OPRK1: variants seen among roughly 807,000 people sequenced by gnomAD.
OPRK1 encodes the protein kappa-type opioid receptor.
Under a neutral mutation model 24.5 loss-of-function variants are expected in OPRK1, and 15 were observed. The ratio of observed to expected loss-of-function variants is 0.61; its 90% CI spans 0.41 to 0.94. The LOEUF (loss-of-function observed/expected upper bound fraction) is 0.94, where lower values mean the gene tolerates loss of function less well. OPRK1 is among the 40% of genes least tolerant of loss of function. OPRK1 has a pLI of 0.00. For missense variants in OPRK1, 479 were observed against 507.3 expected, an observed-to-expected ratio of 0.94 and a Z score of 0.54; for synonymous variants, 205 against 198.0, an observed-to-expected ratio of 1.04 and a Z score of -0.30.
intron 3 of OPRK1, among the ~76,000 whole-genome samples, chr8:53,230,255 G>T (rs7817710): frequency 0.17 from 25,190 of 151,968 alleles, 2,946 homozygotes; most frequent in African/African-American, 0.32. Context: ...TGTAATAAAT[G>T]ACTAAATATT....
chr8:53,226,839 C>A lies in OPRK1; in HGVS notation c.*2458G>T, dbSNP rs1159645777. The A allele has an allele frequency of 6.6e-6, 1 of 152,196 alleles. No individual in the cohort carries two copies. The highest frequency in any genetic ancestry group is 1.5e-5 in the Non-Finnish European group (1 of 68,042). 9.4% of individuals were successfully genotyped at this position (152,196 alleles called of 1,614,324 possible). A position where few individuals can be genotyped will look rare whatever the true frequency, so the allele number is the denominator to read the frequency against. Reference sequence around the variant, plus strand: ...TAACAAGAATCAAGAAGCTTGGACACCCCTTGTGGGCACATACAGCTACTA... The same window carrying A: ...TAACAAGAATCAAGAAGCTTGGACAACCCTTGTGGGCACATACAGCTACTA... On this transcript the variant is annotated 3_prime_UTR_variant, in exon 4 of 4. Coordinates refer to ENST00000265572, the MANE Select transcript of OPRK1 (RefSeq NM_000912.5).
intron 3 of OPRK1, among the ~76,000 whole-genome samples, chr8:53,234,281 G>A (rs1218931105): frequency 5.3e-5 from 8 of 151,490 alleles, no homozygotes; most frequent in South Asian, 2.1e-4. Context: ...ACTACCATCC[G>A]TTAACTTGAT....
rs1806735836 is a variant in OPRK1 at position 53,227,627 on chromosome 8, T to C, written c.*1670A>G. 1 of 152,176 alleles carries C rather than the reference T, an allele frequency of 6.6e-6. No homozygotes were observed. The highest frequency in any genetic ancestry group is 1.5e-5 in the Non-Finnish European group (1 of 68,036). The allele number at this position is 152,176 out of a possible 1,614,324, so 9.4% of individuals were successfully genotyped here. ...CTTCATTTTCATTAGGAGAAATCAC[T>C]TCCATTCTGCCATATGTCATCTGTG... is the stretch of plus-strand genomic sequence containing the variant. On this transcript the variant is annotated 3_prime_UTR_variant, in exon 4 of 4. Coordinates refer to ENST00000265572, the MANE Select transcript of OPRK1 (RefSeq NM_000912.5).
rs1007454176 is a variant in OPRK1, at chr8:53,250,860, C to A, written c.178G>T (p.Val60Phe). ...ACGGAGTAGACCGCCGTGATGATGACCGGGATGGCCGGGGAGATGTGCGCG... is the reference window on the plus strand; with the variant it reads ...ACGGAGTAGACCGCCGTGATGATGAACGGGATGGCCGGGGAGATGTGCGCG... ...EPAHISPAIP[V>F]IITAVYSVVF... The change falls in exon 2 of 4, where the codon GTC becomes TTC. Residue 60 changes from valine (V) to phenylalanine (F), a missense_variant. Transcript: ENST00000265572. The A allele has an allele frequency of 6.2e-7, 1 of 1,613,320 alleles. No homozygotes were observed. The highest frequency in any genetic ancestry group is 1.3e-5 in the African/African-American group (1 of 74,872).
Position 53,234,615 on chromosome 8 carries a change from C to T in OPRK1, c.610+144G>A, listed in dbSNP as rs1806941980. The T allele has an allele frequency of 8.9e-6, 6 of 674,762 alleles. No individual in the cohort carries two copies. The South Asian group carries it at 1.2e-4, about 13-fold the overall frequency. 41.8% of individuals were successfully genotyped at this position (674,762 alleles called of 1,614,324 possible). On this transcript the variant is annotated intron_variant, in intron 3 of 3. Transcript: ENST00000265572. ...AGGGACACAAAATTGTTCTACTTCT[C>T]ATCTTCCATGGATTTAGGCACTACA...
chr8:53,247,990 CAAAAAAAAAAAAAAA>C (rs767911838), intron 2 of OPRK1, among the ~76,000 whole-genome samples: 11 of 32,364 alleles, frequency 3.4e-4, no homozygotes, highest in East Asian at 1.8e-3. Context: ...GATTCTGTCT[CAAAAAAAAAAAAAAA>C]AAAAAAAAAA....
intron 2 of OPRK1, among the ~76,000 whole-genome samples, chr8:53,240,170 T>C (rs1807082701): frequency 1.3e-5 from 2 of 152,174 alleles, no homozygotes; most frequent in African/African-American, 4.8e-5. Flanking sequence ...AATTTTTCCA[T>C]AGGCCCATTT....
chr8:53,232,229 T>C (rs1048361527), intron 3 of OPRK1, among the ~76,000 whole-genome samples: 2 of 150,462 alleles, frequency 1.3e-5, no homozygotes, highest in Non-Finnish European at 3.0e-5. Context: ...CCTCTAGAGG[T>C]GACCAGAGGC....
chr8:53,226,576 G>T lies in OPRK1; in HGVS notation c.*2721C>A, dbSNP rs973620878. On this transcript the variant is annotated 3_prime_UTR_variant, in exon 4 of 4. Coordinates refer to ENST00000265572, the MANE Select transcript of OPRK1 (RefSeq NM_000912.5). Reference sequence around the variant, plus strand: ...ACATCAAGAAATGAGAGATATCAGAGAGCCAGAGGGGTTTGGACAAATGCA... The same window carrying T: ...ACATCAAGAAATGAGAGATATCAGATAGCCAGAGGGGTTTGGACAAATGCA... 1 of 106,668 alleles carries T rather than the reference G, an allele frequency of 9.4e-6. No homozygotes were observed. The highest frequency in any genetic ancestry group is 5.1e-5 in the African/African-American group (1 of 19,602). The allele number at this position is 106,668 out of a possible 1,614,324, so 6.6% of individuals were successfully genotyped here.
At chr8:53,239,158 T>C (rs948263702) in intron 2 of OPRK1, among the ~76,000 whole-genome samples, 2 of 152,140 alleles carry the variant, frequency 1.3e-5, no homozygotes, top group Non-Finnish European at 2.9e-5. Flanking sequence ...CTCTCTTCCC[T>C]CTCCAGTTAT....
chr8:53,234,197 A>AAAAAAAAAAAAAAAAAAAAAAAAAC (rs1806929893), intron 3 of OPRK1, among the ~76,000 whole-genome samples: 1 of 151,096 alleles, frequency 6.6e-6, no homozygotes, highest in Non-Finnish European at 1.5e-5. Flanking sequence ...AAAAAAAAAA[A>AAAAAAAAAAAAAAAAAAAAAAAAAC]AAAAAATCAG....
intron 3 of OPRK1, among the ~76,000 whole-genome samples, 177 bp from the exon 4 acceptor site, chr8:53,230,006 T>C (rs766954893): frequency 7.9e-5 from 12 of 151,984 alleles, no homozygotes; most frequent in Non-Finnish European, 1.3e-4. Flanking sequence ...TTGTTAGCCA[T>C]CCTAATCTTT....
At chr8:53,244,193 G>T (rs1238531069) in intron 2 of OPRK1, among the ~76,000 whole-genome samples, 1 of 151,600 alleles carries the variant, frequency 6.6e-6, no homozygotes, top group African/African-American at 2.4e-5. Context: ...TGGCCCAGGG[G>T]TGACTTGAAT....
At chr8:53,232,612 G>A (rs1193411134) in intron 3 of OPRK1, among the ~76,000 whole-genome samples, 2 of 152,070 alleles carry the variant, frequency 1.3e-5, no homozygotes, top group African/African-American at 2.4e-5. Context: ...CAGGAAGAAG[G>A]GGGCATTTTC....
chr8:53,231,322 A>G (rs1013489107), intron 3 of OPRK1, among the ~76,000 whole-genome samples: 1 of 152,196 alleles, frequency 6.6e-6, no homozygotes, highest in Non-Finnish European at 1.5e-5. Flanking sequence ...CAATATAAAT[A>G]TTCTATTCTG....
intron 3 of OPRK1, among the ~76,000 whole-genome samples, chr8:53,232,270 G>A (rs76821726): frequency 6.6e-6 from 1 of 152,056 alleles, no homozygotes; most frequent in East Asian, 1.9e-4. Context: ...GGGATATACA[G>A]GGGTTGGTTA....
In OPRK1 at chr8:53,229,137, G is replaced by A. The variant is rs1488620811; in HGVS notation, c.*160C>T. 6.3e-6 allele frequency: 5 copies of A among 796,922 alleles called. No homozygotes were observed. The highest frequency in any genetic ancestry group is 7.7e-6 in the Non-Finnish European group (4 of 521,268). The allele number at this position is 796,922 out of a possible 1,614,324, so 49.4% of individuals were successfully genotyped here. ...TGTCCTTGATGTTTCCACTGATCAC[G>A]AACGTGGTCTGCATCTGATGACTTC... On this transcript the variant is annotated 3_prime_UTR_variant, in exon 4 of 4. Transcript: ENST00000265572.
intron 2 of OPRK1, among the ~76,000 whole-genome samples, chr8:53,246,789 A>G (rs1263208766): frequency 6.6e-6 from 1 of 152,158 alleles, no homozygotes; most frequent in Non-Finnish European, 1.5e-5. Context: ...TGAAGAGAAT[A>G]TGATAAAGAG....
At chr8:53,235,454 G>A (rs373366625) in intron 2 of OPRK1, among the ~76,000 whole-genome samples, 3 of 152,052 alleles carry the variant, frequency 2.0e-5, no homozygotes, top group East Asian at 1.9e-4. Context: ...GCCCAGAGTC[G>A]CTTGGCTTTA....
Sources: allele counts gnomAD v4.1 joint callset (sites outside exome capture counted in the v4.1 genomes callset), GRCh38; gene constraint gnomAD v4.1.1; transcripts MANE v1.5; gene names NCBI Gene and HGNC (gene_info 2026-07-23, HGNC 2026-07-21).